Variants in RBM28 observed in about 807,000 individuals in gnomAD.
RBM28 encodes RNA binding motif protein 28.
Under a neutral mutation model 98.3 loss-of-function variants are expected in RBM28, and 78 were observed. The observed-to-expected ratio is 0.79, with a 90% CI of 0.66 to 0.96. The LOEUF (loss-of-function observed/expected upper bound fraction) is 0.96. Ranked by LOEUF, RBM28 falls within the 40% of genes least tolerant of loss-of-function variation. The pLI is 0.00. For synonymous variants in RBM28, 306 were observed against 330.9 expected, an observed-to-expected ratio of 0.92 and a Z score of 0.82; for missense variants, 838 against 913.0, an observed-to-expected ratio of 0.92 and a Z score of 1.06.
At chr7:128,341,454 T>A (rs920867164) in intron 1 of RBM28, among the ~76,000 whole-genome samples, 4 of 152,098 alleles carry the variant, frequency 2.6e-5, no homozygotes, top group African/African-American at 9.7e-5. Context: ...ACATTTAGAG[T>A]CCCTGACAAC....
chr7:128,312,478 G>C (rs1796006108), intron 18 of RBM28, among the ~76,000 whole-genome samples: 1 of 152,106 alleles, frequency 6.6e-6, no homozygotes, highest in South Asian at 2.1e-4. Context: ...GGCAATATGG[G>C]GGTGTCACAG....
Position 128,306,793 on chromosome 7 carries a change from T to C in RBM28, c.*4004A>G, listed in dbSNP as rs1795875761. 6.6e-6 allele frequency: 1 copy of C among 152,390 alleles called. No individual in the cohort carries two copies. Among genetic ancestry groups the C allele is most frequent in the South Asian group, 2.1e-4 (1 of 4,836 alleles). The allele number at this position is 152,390 out of a possible 1,614,324, so 9.4% of individuals were successfully genotyped here. A position where few individuals can be genotyped will look rare whatever the true frequency, so the allele number is the denominator to read the frequency against. ...TGTGCCTTCCAATCTTCCCAGTATA[T>C]TCCTTTACCAGCACAAAAACTCATG... On this transcript the variant is annotated 3_prime_UTR_variant, in exon 19 of 19. Coordinates refer to ENST00000223073, the MANE Select transcript of RBM28 (RefSeq NM_018077.3).
intron 14 of RBM28, 105 bp downstream of exon 14, chr7:128,321,161 G>T: frequency 6.7e-7 from 1 of 1,484,802 alleles, no homozygotes; most frequent in Non-Finnish European, 9.3e-7. Flanking sequence ...GTGAGACTTC[G>T]TCTCAAAACA....
At chr7:128,318,327 A>G (rs758831396) in intron 14 of RBM28, among the ~76,000 whole-genome samples, 2 of 152,082 alleles carry the variant, frequency 1.3e-5, no homozygotes, top group Non-Finnish European at 2.9e-5. Context: ...TCTACAAAAA[A>G]TACAAAAAAT....
At chr7:128,315,065 G>GT in intron 16 of RBM28, 45 bp from the exon 17 acceptor site, 1 of 1,612,912 alleles carries the variant, frequency 6.2e-7, no homozygotes, top group Non-Finnish European at 8.5e-7. Context: ...GATGAGCTTT[G>GT]TTTGCTGCAA....
rs1473422785 is a variant in RBM28 at position 128,333,287 on chromosome 7, T to C, written c.1019+3A>G. ...AAGCAATTCTGGAGGCAGAAAGACA[T>C]ACCTGATAAAAACAGTTTTCCCTTC... On this transcript the variant is annotated splice_donor_region_variant and intron_variant, in intron 9 of 18. Coordinates refer to ENST00000223073, the MANE Select transcript of RBM28 (RefSeq NM_018077.3). 1.3e-6 allele frequency: 2 copies of C among 1,582,792 alleles called. No individual in the cohort carries two copies. The highest frequency in any genetic ancestry group is 1.7e-5 in the Admixed American group (1 of 59,970).
rs1028136178 is a variant in RBM28, at chr7:128,304,076, G to A, written c.*6721C>T. ...AAGCAGGAAACAAAAAGCATTTATT[G>A]CTGGTAAATGCTTAACAACTGGCTC... On this transcript the variant is annotated 3_prime_UTR_variant, in exon 19 of 19. Coordinates refer to ENST00000223073, the MANE Select transcript of RBM28 (RefSeq NM_018077.3). 1 of 152,128 alleles carries A rather than the reference G, an allele frequency of 6.6e-6. No homozygotes were observed. Among genetic ancestry groups the A allele is most frequent in the Non-Finnish European group, 1.5e-5 (1 of 68,022 alleles). 9.4% of individuals were successfully genotyped at this position (152,128 alleles called of 1,614,324 possible). A position where few individuals can be genotyped will look rare whatever the true frequency, so the allele number is the denominator to read the frequency against.
At chr7:128,338,905 C>T (rs1796660674) in intron 3 of RBM28, 104 bp from the exon 4 acceptor site, 4 of 906,608 alleles carry the variant, frequency 4.4e-6, no homozygotes, top group Non-Finnish European at 7.1e-6. Context: ...TGAATGTTTA[C>T]TTTTTTTTAT....
Position 128,310,276 on chromosome 7 carries a change from A to G in RBM28, c.*521T>C. The G allele has an allele frequency of 5.8e-6, 1 of 172,070 alleles. No homozygotes were observed. Among genetic ancestry groups the G allele is most frequent in the Non-Finnish European group, 1.3e-5 (1 of 79,822 alleles). The allele number at this position is 172,070 out of a possible 1,614,324, so 10.7% of individuals were successfully genotyped here. ...TCTCCGCCTGCAGCGATTAGGTTAG[A>G]AAGCATTTCTCTCTGCTCTCGCTTA... On this transcript the variant is annotated 3_prime_UTR_variant, in exon 19 of 19. Coordinates refer to ENST00000223073, the MANE Select transcript of RBM28 (RefSeq NM_018077.3).
Position 128,303,229 on chromosome 7 carries a change from T to C in RBM28, c.*7568A>G, listed in dbSNP as rs1486945560. On this transcript the variant is annotated 3_prime_UTR_variant, in exon 19 of 19. Coordinates refer to ENST00000223073, the MANE Select transcript of RBM28 (RefSeq NM_018077.3). Reference sequence around the variant, plus strand: ...CTTATATATGAGACAGTTCCTGAAATAGGCCCTAGAGACAGCACTCACGGC... The same window carrying C: ...CTTATATATGAGACAGTTCCTGAAACAGGCCCTAGAGACAGCACTCACGGC... The C allele has an allele frequency of 6.6e-6, 1 of 152,182 alleles. No homozygotes were observed. Among genetic ancestry groups the C allele is most frequent in the East Asian group, 1.9e-4 (1 of 5,198 alleles). 9.4% of individuals were successfully genotyped at this position (152,182 alleles called of 1,614,324 possible).
chr7:128,320,867 G>C (rs1796215864), intron 14 of RBM28, among the ~76,000 whole-genome samples: 1 of 152,220 alleles, frequency 6.6e-6, no homozygotes, highest in African/African-American at 2.4e-5. Context: ...AACATGTCCA[G>C]AAGAAAGTCT....
chr7:128,320,851 G>A (rs1355035403), intron 14 of RBM28, among the ~76,000 whole-genome samples: 1 of 152,208 alleles, frequency 6.6e-6, no homozygotes, highest in Non-Finnish European at 1.5e-5. Context: ...AGCTATGCAT[G>A]CTGACAACAT....
rs145811194 is a variant in RBM28 at position 128,298,361 on chromosome 7, T to A, written c.*12436A>T. The A allele has an allele frequency of 6.6e-6, 1 of 152,296 alleles. No individual in the cohort carries two copies. The highest frequency in any genetic ancestry group is 2.4e-5 in the African/African-American group (1 of 41,562). The allele number at this position is 152,296 out of a possible 1,614,324, so 9.4% of individuals were successfully genotyped here. ...GGTGGGCATCACAGTCCTACTGATA[T>A]GCGACGTCACCCCCGGCAGCCCAGC... On this transcript the variant is annotated 3_prime_UTR_variant, in exon 19 of 19. Coordinates refer to ENST00000223073, the MANE Select transcript of RBM28 (RefSeq NM_018077.3).
At position 128,338,864 on chromosome 7, in the gene RBM28, C is replaced by A. The variant is rs1796659658; in HGVS notation, c.373-63G>T. ...ATCACAGCAAATTAACATAAAACAT[C>A]AACTACTAAATTCATTAATTATGAA... On this transcript the variant is annotated intron_variant, in intron 3 of 18. Coordinates refer to ENST00000223073, the MANE Select transcript of RBM28 (RefSeq NM_018077.3). 1.4e-5 allele frequency: 16 copies of A among 1,119,378 alleles called. No individual in the cohort carries two copies. In the East Asian group the frequency reaches 3.5e-4, roughly 25 times the overall value. 69.3% of individuals were successfully genotyped at this position (1,119,378 alleles called of 1,614,324 possible).
chr7:128,324,801 G>T (rs1049705113), intron 11 of RBM28, 107 bp from the exon 12 acceptor site: 3 of 1,485,284 alleles, frequency 2.0e-6, no homozygotes, highest in Non-Finnish European at 2.8e-6. Context: ...ATCACCTGAG[G>T]TCAGGAGTTC....
chr7:128,316,729 A>G (rs1471426940), intron 16 of RBM28, among the ~76,000 whole-genome samples: 1 of 152,210 alleles, frequency 6.6e-6, no homozygotes, highest in Non-Finnish European at 1.5e-5. Flanking sequence ...AAAAACAAAC[A>G]AAACTGGTAG....
chr7:128,323,217 T>C (rs1306410555), intron 13 of RBM28, among the ~76,000 whole-genome samples: 1 of 152,216 alleles, frequency 6.6e-6, no homozygotes. Context: ...CCTAATTACA[T>C]GTAGCAATAG....
chr7:128,323,404 G>A (rs779906874), intron 13 of RBM28, 123 bp downstream of exon 13: 19 of 1,117,010 alleles, frequency 1.7e-5, no homozygotes, highest in Non-Finnish European at 2.3e-5. Flanking sequence ...CTCCCTAACA[G>A]GGCAATAAGT....
chr7:128,317,910 T>C, intron 15 of RBM28, 47 bp downstream of exon 15: 4 of 1,607,966 alleles, frequency 2.5e-6, no homozygotes, highest in Non-Finnish European at 3.4e-6. Flanking sequence ...GCTGGTTTCC[T>C]GCAAGTGGTC....
Sources: allele counts gnomAD v4.1 joint callset (sites outside exome capture counted in the v4.1 genomes callset), GRCh38; gene constraint gnomAD v4.1.1; transcripts MANE v1.5; gene names NCBI Gene and HGNC (gene_info 2026-07-23, HGNC 2026-07-21).